PCDH9: variants seen among roughly 807,000 people sequenced by gnomAD.
PCDH9 encodes protocadherin 9.
In PCDH9, 24 loss-of-function variants were observed where a neutral mutation model predicts 70.6. The observed-to-expected ratio is 0.34, with a 90% confidence interval of 0.25 to 0.48. The LOEUF (loss-of-function observed/expected upper bound fraction) is 0.48. Ranked by LOEUF, PCDH9 falls within the 20% of genes least tolerant of loss-of-function variation. The pLI is 0.99. For synonymous variants in PCDH9, 562 were observed against 558.5 expected (o/e 1.01, Z -0.09); for missense variants, 1,281 against 1,503.6 (o/e 0.85, Z 2.45).
Position 66,773,464 on chromosome 13 carries a change from T to C in PCDH9, c.3138+130040A>G, listed in dbSNP as rs917636509. On this transcript the variant is annotated intron_variant, in intron 3 of 4. Coordinates refer to ENST00000377865, the MANE Select transcript of PCDH9 (RefSeq NM_203487.3). ...TAATACAGTGAAACCCTGTGTCCAC[T>C]AAAAATACAAAAAAAAATTAGCCGG... 2.7e-5 allele frequency among the ~76,000 whole-genome samples: 4 copies of C among 150,300 alleles called. No homozygotes were observed. The South Asian group carries it at 8.4e-4, about 32-fold the overall frequency.
In PCDH9 at chr13:66,494,712, T is replaced by C. The variant is rs1959086037; in HGVS notation, c.3340+136498A>G. Among the ~76,000 whole-genome samples the C allele has an allele frequency of 3.3e-5, 5 of 152,266 alleles. 1 individual carries two copies. The South Asian group carries it at 1.0e-3, about 32-fold the overall frequency. ...TAGATAAATTTAAAGCATATCCAGT[T>C]TGTGGGATATTTCACAAGATAACTG... On this transcript the variant is annotated intron_variant, in intron 4 of 4. Coordinates refer to ENST00000377865, the MANE Select transcript of PCDH9 (RefSeq NM_203487.3).
rs373275887 is a variant in PCDH9 at position 66,686,624 on chromosome 13, T to C, written c.3139-55213A>G. On this transcript the variant is annotated intron_variant, in intron 3 of 4. Coordinates refer to ENST00000377865, the MANE Select transcript of PCDH9 (RefSeq NM_203487.3). ...GAATGTTTACATTGCTCTTATCTAC[T>C]ATGTCTGTGTGAATAAAAGTGTATA... Among the ~76,000 whole-genome samples, 80 of 152,334 alleles carry C rather than the reference T, an allele frequency of 5.3e-4. 3 individuals carry two copies. The South Asian group carries it at 0.016, about 30-fold the overall frequency.
At chr13:66,850,534 T>TAAGATAAATTAGCAACA (rs1566240177) in intron 3 of PCDH9, among the ~76,000 whole-genome samples, 1 of 148,426 alleles carries the variant, frequency 6.7e-6, no homozygotes. Flanking sequence ...AAAAAAAAAA[T>TAAGATAAATTAGCAACA]GTAAGTTAAA....
intron 2 of PCDH9, among the ~76,000 whole-genome samples, chr13:67,025,897 T>C (rs554493432): frequency 2.0e-4 from 31 of 152,290 alleles, no homozygotes; most frequent in Middle Eastern, 3.4e-3. Context: ...CATATAAATG[T>C]ATATGAATAA....
At chr13:66,924,746 T>C (rs1474217202) in intron 2 of PCDH9, among the ~76,000 whole-genome samples, 2 of 151,726 alleles carry the variant, frequency 1.3e-5, no homozygotes, top group African/African-American at 4.8e-5. Context: ...TAAAACATAA[T>C]ACCTGCAGGT....
chr13:66,334,267 G>A (rs1982305), intron 4 of PCDH9, among the ~76,000 whole-genome samples: 111,911 of 151,888 alleles, frequency 0.74, 41,332 homozygotes, highest in Non-Finnish European at 0.77. Flanking sequence ...TTAATCTCCC[G>A]CATATGAGTG....
At chr13:67,106,827 T>A (rs2086554979) in intron 2 of PCDH9, among the ~76,000 whole-genome samples, 1 of 152,162 alleles carries the variant, frequency 6.6e-6, no homozygotes, top group South Asian at 2.1e-4. Context: ...TCTCCAATTT[T>A]GGAACAAAGT....
At chr13:66,780,813 C>T (rs1174887873) in intron 3 of PCDH9, among the ~76,000 whole-genome samples, 1 of 152,122 alleles carries the variant, frequency 6.6e-6, no homozygotes, top group East Asian at 1.9e-4. Context: ...ATCTCCAGTG[C>T]CTAGAACAGT....
chr13:67,063,338 AG>A (rs2085576256), intron 2 of PCDH9, among the ~76,000 whole-genome samples: 1 of 152,150 alleles, frequency 6.6e-6, no homozygotes, highest in South Asian at 2.1e-4. Flanking sequence ...AAAAAAAGCC[AG>A]GAAGTATAAA....
chr13:66,524,045 A>G (rs1438782113), intron 4 of PCDH9, among the ~76,000 whole-genome samples: 2 of 152,036 alleles, frequency 1.3e-5, no homozygotes, highest in Non-Finnish European at 2.9e-5. Context: ...CAGCCCTCAG[A>G]TGGAGAAGTG....
chr13:66,980,211 C>T (rs1268566839), intron 2 of PCDH9, among the ~76,000 whole-genome samples: 3 of 151,842 alleles, frequency 2.0e-5, no homozygotes, highest in Non-Finnish European at 2.9e-5. Flanking sequence ...TTTTCATTTA[C>T]TCATGTTCCC....
chr13:66,502,254 C>T (rs926544497), intron 4 of PCDH9, among the ~76,000 whole-genome samples: 3 of 152,118 alleles, frequency 2.0e-5, no homozygotes, highest in African/African-American at 7.2e-5. Flanking sequence ...TTAACTATCA[C>T]ACTGAATAAG....
At chr13:66,453,563 G>A (rs1958257846) in intron 4 of PCDH9, among the ~76,000 whole-genome samples, 2 of 152,122 alleles carry the variant, frequency 1.3e-5, no homozygotes, top group South Asian at 4.1e-4. Context: ...CTTTAACTGT[G>A]CTAGCATAAA....
intron 2 of PCDH9, among the ~76,000 whole-genome samples, chr13:66,951,031 A>G (rs1689269383): frequency 2.0e-5 from 3 of 152,164 alleles, no homozygotes; most frequent in Admixed American, 1.3e-4. Flanking sequence ...AATATCTCCC[A>G]TCCTACCCTC....
chr13:67,053,341 A>G (rs751682928), intron 2 of PCDH9, among the ~76,000 whole-genome samples: 1 of 152,214 alleles, frequency 6.6e-6, no homozygotes, highest in Non-Finnish European at 1.5e-5. Context: ...AGGATATGAA[A>G]GCCACAAATA....
chr13:66,862,610 GTGCAA>G (rs2081503468), intron 3 of PCDH9, among the ~76,000 whole-genome samples: 1 of 152,146 alleles, frequency 6.6e-6, no homozygotes, highest in Non-Finnish European at 1.5e-5. Context: ...TTTTATAGTA[GTGCAA>G]TGAAAATTAG....
At chr13:66,713,231 C>T (rs1274801160) in intron 3 of PCDH9, among the ~76,000 whole-genome samples, 1 of 152,038 alleles carries the variant, frequency 6.6e-6, no homozygotes, top group African/African-American at 2.4e-5. Context: ...TTAAAATAAA[C>T]ACCTGTCTTA....
chr13:66,547,088 T>C (rs1961241885), intron 4 of PCDH9, among the ~76,000 whole-genome samples: 2 of 152,202 alleles, frequency 1.3e-5, no homozygotes, highest in Admixed American at 1.3e-4. Flanking sequence ...ATTACTTCAG[T>C]CTTCCACCTA....
chr13:67,206,376 G>C (rs561873609), intron 2 of PCDH9: 3 of 152,196 alleles, frequency 2.0e-5, no homozygotes, highest in African/African-American at 7.2e-5. Context: ...ATATTGGCCA[G>C]GCTGGTCTCG....
Sources: allele counts gnomAD v4.1 joint callset (sites outside exome capture counted in the v4.1 genomes callset), GRCh38; gene constraint gnomAD v4.1.1; transcripts MANE v1.5; gene names NCBI Gene and HGNC (gene_info 2026-07-23, HGNC 2026-07-21).